The following MED29 variants were observed in gnomAD, a reference collection of about 807,000 sequenced individuals.
The protein encoded by MED29 is mediator of RNA polymerase II transcription subunit 29.
A neutral mutation model predicts 22.0 loss-of-function variants in MED29; 14 were observed. The ratio of observed to expected loss-of-function variants is 0.64; its 90% CI spans 0.42 to 0.99. The LOEUF (loss-of-function observed/expected upper bound fraction) is 0.99, where lower values mean the gene tolerates loss of function less well. Among genes scored for constraint, MED29 ranks in the 50% least tolerant of loss-of-function variants. The probability of loss-of-function intolerance (pLI) is 0.00; values close to 1 mark genes in which losing one functional copy is unlikely to be tolerated. For missense variants in MED29, 241 were observed against 253.7 expected (o/e 0.95, Z 0.34); for synonymous variants, 123 against 107.8 (o/e 1.14, Z -0.87).
At chr19:39,396,403 C>A (rs2078428558) in intron 3 of MED29, among the ~76,000 whole-genome samples, 1 of 151,978 alleles carries the variant, frequency 6.6e-6, no homozygotes, top group African/African-American at 2.4e-5. Context: ...CCACTGCACT[C>A]CAGCCTGGGT....
rs1429405850 is a variant in MED29, at chr19:39,398,827, C to G, written c.*1128C>G. ...CTGTGCCATGGTTCCCACATTCGCACTCCATGGCCTCCTGTCCTGGACCCC... is the reference window on the plus strand; with the variant it reads ...CTGTGCCATGGTTCCCACATTCGCAGTCCATGGCCTCCTGTCCTGGACCCC... On this transcript the variant is annotated 3_prime_UTR_variant, in exon 4 of 4. Coordinates refer to ENST00000315588, the MANE Select transcript of MED29 (RefSeq NM_017592.4). 1.3e-5 allele frequency: 2 copies of G among 152,290 alleles called. No individual in the cohort carries two copies. The highest frequency in any genetic ancestry group is 1.3e-4 in the Admixed American group (2 of 15,278). The allele number at this position is 152,290 out of a possible 1,614,324, so 9.4% of individuals were successfully genotyped here.
chr19:39,393,713 C>A, intron 3 of MED29, 76 bp downstream of exon 3: 1 of 1,244,624 alleles, frequency 8.0e-7, no homozygotes, highest in South Asian at 1.2e-5. Context: ...GTCAGTCAGT[C>A]AACTCACACT....
At chr19:39,397,353 T>C in intron 3 of MED29, 104 bp from the exon 4 acceptor site, 1 of 1,298,526 alleles carries the variant, frequency 7.7e-7, no homozygotes, top group Non-Finnish European at 1.1e-6. Flanking sequence ...CTCTAAGACC[T>C]GGGAAATCCA....
At chr19:39,397,306 G>A in intron 3 of MED29, 151 bp from the exon 4 acceptor site, 1 of 821,680 alleles carries the variant, frequency 1.2e-6, no homozygotes. Flanking sequence ...CATGCCCCCA[G>A]GTTCCCCAGC....
At chr19:39,396,338 G>C (rs955256841) in intron 3 of MED29, among the ~76,000 whole-genome samples, 1 of 150,698 alleles carries the variant, frequency 6.6e-6, no homozygotes, top group Non-Finnish European at 1.5e-5. Flanking sequence ...ACTTGGATGA[G>C]ACAAGAGAAT....
Position 39,393,553 on chromosome 19 carries a change from A to G in MED29, c.276A>G (p.Gln92=). The G allele has an allele frequency of 6.2e-7, 1 of 1,613,988 alleles. No individual in the cohort carries two copies. The part of the protein sequence containing the change: ...LIQNTNIDNG[Q]KSSDGPIQRF... ...GACATCCTTTTTTCCTTGTCTGTAGAAAGAGCAGTGATGGACCCATACAGC... is the reference window on the plus strand; with the variant it reads ...GACATCCTTTTTTCCTTGTCTGTAGGAAGAGCAGTGATGGACCCATACAGC... The change falls in exon 3 of 4, where the codon CAA becomes CAG. Residue 92 remains glutamine, a splice_region_variant and synonymous_variant. Coordinates refer to ENST00000315588, the MANE Select transcript of MED29 (RefSeq NM_017592.4).
chr19:39,396,515 T>C (rs7250966), intron 3 of MED29, among the ~76,000 whole-genome samples: 64,351 of 147,324 alleles, frequency 0.44, 14,702 homozygotes, highest in South Asian at 0.59. Flanking sequence ...ATCACGAGGT[T>C]AGGAGTTCGA....
chr19:39,391,677 G>A (rs1282402690), intron 1 of MED29, 39 bp downstream of exon 1: 2 of 1,541,176 alleles, frequency 1.3e-6, no homozygotes, highest in Admixed American at 1.9e-5. Context: ...ACTGGATTTG[G>A]TAGTCTAGAG....
chr19:39,396,392 G>C (rs2078428463), intron 3 of MED29, among the ~76,000 whole-genome samples: 1 of 150,912 alleles, frequency 6.6e-6, no homozygotes, highest in Non-Finnish European at 1.5e-5. Flanking sequence ...CCAAGATGGC[G>C]CCACTGCACT....
In MED29 at chr19:39,398,332, C is replaced by G. The variant is rs1442519152; in HGVS notation, c.*633C>G. Reference sequence around the variant, plus strand: ...TCCCCCAGCGGCTCGCATGTCAGCCCAGACCCCAGGGTCCTTGGCCTAGGA... The same window carrying G: ...TCCCCCAGCGGCTCGCATGTCAGCCGAGACCCCAGGGTCCTTGGCCTAGGA... On this transcript the variant is annotated 3_prime_UTR_variant, in exon 4 of 4. Coordinates refer to ENST00000315588, the MANE Select transcript of MED29 (RefSeq NM_017592.4). The G allele has an allele frequency of 6.5e-6, 1 of 154,444 alleles. No homozygotes were observed. The highest frequency in any genetic ancestry group is 6.5e-5 in the Admixed American group (1 of 15,426). The allele number at this position is 154,444 out of a possible 1,614,324, so 9.6% of individuals were successfully genotyped here.
rs749942196 is a variant in MED29 at position 39,392,519 on chromosome 19, G to A, written c.272G>A (p.Gly91Glu). 4.3e-6 allele frequency: 7 copies of A among 1,613,848 alleles called. No individual in the cohort carries two copies. The Admixed American group carries it at 1.0e-4, about 23-fold the overall frequency. ...ATTCAGAACACTAACATCGACAATGGACAGTGAGTGCAGCCCCCTTTACCA... is the reference window on the plus strand; with the variant it reads ...ATTCAGAACACTAACATCGACAATGAACAGTGAGTGCAGCCCCCTTTACCA... ...NLIQNTNIDN[G>E]QKSSDGPIQR... The change falls in exon 2 of 4, where the codon GGA becomes GAA. Residue 91 changes from glycine to glutamate, a missense_variant. Gly to Glu is a moderately conservative substitution (Grantham distance 98). Coordinates refer to ENST00000315588, the MANE Select transcript of MED29 (RefSeq NM_017592.4).
chr19:39,393,118 C>T (rs2078407968), intron 2 of MED29, among the ~76,000 whole-genome samples: 1 of 87,682 alleles, frequency 1.1e-5, no homozygotes, highest in Admixed American at 1.8e-4. Flanking sequence ...TTTTTTGAGA[C>T]AGAGTCTTGC....
Position 39,395,814 on chromosome 19 carries a change from G to A in MED29, c.361-1643G>A, listed in dbSNP as rs145542312. Reference sequence around the variant, plus strand: ...CGCCTGCAGTCCCAGCTACTAGGGAGGCTGAGGCAGGAGAATGGCATGAAC... The same window carrying A: ...CGCCTGCAGTCCCAGCTACTAGGGAAGCTGAGGCAGGAGAATGGCATGAAC... On this transcript the variant is annotated intron_variant, in intron 3 of 3. Transcript: ENST00000315588. Among the ~76,000 whole-genome samples, 619 of 152,228 alleles carry A rather than the reference G, an allele frequency of 4.1e-3. 5 individuals carry two copies. The highest frequency in any genetic ancestry group is 0.014 in the African/African-American group (586 of 41,528).
At chr19:39,392,951 C>G (rs532526000) in intron 2 of MED29, 1 of 167,764 alleles carries the variant, frequency 6.0e-6, no homozygotes, top group Non-Finnish European at 1.3e-5. Context: ...GGTCTTGCCA[C>G]GTTGTCCAGG....
chr19:39,392,633 T>TC, intron 2 of MED29, 111 bp downstream of exon 2: 1 of 955,038 alleles, frequency 1.0e-6, no homozygotes, highest in East Asian at 2.7e-5. Context: ...ACTTTTTTTT[T>TC]TTTTTTTTTT....
chr19:39,396,746 T>C (rs1215916674), intron 3 of MED29, among the ~76,000 whole-genome samples: 3 of 138,052 alleles, frequency 2.2e-5, no homozygotes, highest in Non-Finnish European at 4.6e-5. Context: ...AAAAAAAGCC[T>C]GGGCGCGGTG....
chr19:39,397,568 C>T lies in MED29; in HGVS notation c.472C>T (p.Pro158Ser). 1 of 1,613,780 alleles carries T rather than the reference C, an allele frequency of 6.2e-7. No individual in the cohort carries two copies. The highest frequency in any genetic ancestry group is 1.1e-5 in the South Asian group (1 of 91,084). Residue 158 changes from proline to serine, a missense_variant, in exon 4 of 4, where the codon CCA becomes TCA. Transcript: ENST00000315588. Reference protein sequence around the residue: ...DAVQPDSLPYPQYLAVIKAQI... With the variant: ...DAVQPDSLPYSQYLAVIKAQI... ...AGTGCAGCCTGACAGCCTCCCCTAC[C>T]CACAGTACCTGGCGGTCATCAAAGC...
Position 39,395,220 on chromosome 19 carries a change from A to G in MED29, c.360+1583A>G, listed in dbSNP as rs540804654. ...TCAGAACCATGTTCCAAACAGAGGG[A>G]ATAACATTTGCTTTAAATTTGTTTT... On this transcript the variant is annotated intron_variant, in intron 3 of 3. Transcript: ENST00000315588. 7.2e-5 allele frequency among the ~76,000 whole-genome samples: 11 copies of G among 152,282 alleles called. No homozygotes were observed. In the South Asian group the frequency reaches 2.1e-3, roughly 29 times the overall value.
chr19:39,397,651 C>T lies in MED29; in HGVS notation c.555C>T (p.Val185=), dbSNP rs1419034112. ...CCCTGCTGGACTGTGCCAACAAGGT[C>T]ACGGGCAAGACACCCGCACCACCTG... The part of the protein sequence containing the change: ...HTALLDCANK[V]TGKTPAPPAG... Residue 185 remains valine (V), a synonymous_variant, in exon 4 of 4, where the codon GTC becomes GTT. Coordinates refer to ENST00000315588, the MANE Select transcript of MED29 (RefSeq NM_017592.4). 1.2e-6 allele frequency: 2 copies of T among 1,612,862 alleles called. No individual in the cohort carries two copies. The highest frequency in any genetic ancestry group is 2.2e-5 in the East Asian group (1 of 44,874).
Sources: gnomAD v4.1 joint callset for allele counts (sites outside exome capture counted in the v4.1 genomes callset) on GRCh38, gnomAD v4.1.1 for gene constraint, MANE v1.5 for transcripts, NCBI Gene and HGNC (gene_info 2026-07-23, HGNC 2026-07-21) for gene names.